Variants in CAMK2A observed in about 807,000 individuals in gnomAD.
CAMK2A encodes calcium/calmodulin dependent protein kinase II alpha.
In CAMK2A, 7 loss-of-function variants were observed where a neutral mutation model predicts 79.2. The ratio of observed to expected loss-of-function variants is 0.09; its 90% CI spans 0.05 to 0.17. CAMK2A has a LOEUF of 0.17. CAMK2A is among the 10% of genes least tolerant of loss of function. CAMK2A has a pLI of 1.00. For synonymous variants in CAMK2A, 242 were observed against 251.7 expected (o/e 0.96, Z 0.36); for missense variants, 214 against 646.4 (o/e 0.33, Z 7.25).
At chr5:150,240,001 C>T (rs1205343918) in intron 13 of CAMK2A, among the ~76,000 whole-genome samples, 5 of 152,156 alleles carry the variant, frequency 3.3e-5, no homozygotes, top group Admixed American at 3.3e-4. Context: ...AAGCTCATGG[C>T]CAAGCCTCCC....
rs544194634 is a variant in CAMK2A, at chr5:150,276,265, C to A, written c.63-3106G>T. 2.6e-5 allele frequency among the ~76,000 whole-genome samples: 4 copies of A among 152,318 alleles called. No individual in the cohort carries two copies. The South Asian group carries it at 8.3e-4, about 32-fold the overall frequency. On this transcript the variant is annotated intron_variant, in intron 1 of 18. Transcript: ENST00000671881. ...CTAACTTAGATTGGTGGCGGCTCCT[C>A]CACCTGCTTATTTCTCCCACCCTGA...
At chr5:150,234,871 G>A (rs78991159) in intron 15 of CAMK2A, among the ~76,000 whole-genome samples, 4,376 of 152,174 alleles carry the variant, frequency 0.029, 202 homozygotes, top group African/African-American at 0.1. Context: ...TCCAAAACCC[G>A]CTAGATACAG....
intron 2 of CAMK2A, among the ~76,000 whole-genome samples, chr5:150,271,397 A>G (rs1482187489): frequency 6.6e-6 from 1 of 152,214 alleles, no homozygotes; most frequent in African/African-American, 2.4e-5. Flanking sequence ...TCCCAGCAAC[A>G]CTGAGCCAGA....
chr5:150,221,338 T>C lies in CAMK2A; in HGVS notation c.*1372A>G, dbSNP rs1418647746. The C allele has an allele frequency of 2.5e-5, 10 of 397,726 alleles. No individual in the cohort carries two copies. Among genetic ancestry groups the C allele is most frequent in the African/African-American group, 2.1e-4 (10 of 48,466 alleles). The allele number at this position is 397,726 out of a possible 1,614,324, so 24.6% of individuals were successfully genotyped here. A position where few individuals can be genotyped will look rare whatever the true frequency, so the allele number is the denominator to read the frequency against. ...AGAATGCGAACCCGAGGCTGCAGGA[T>C]GAGGCATGAAGAGTAGAAATTCCCA... is the stretch of plus-strand genomic sequence containing the variant. On this transcript the variant is annotated 3_prime_UTR_variant, in exon 19 of 19. Coordinates refer to ENST00000671881, the MANE Select transcript of CAMK2A (RefSeq NM_015981.4).
At position 150,222,195 on chromosome 5, in the gene CAMK2A, G is replaced by A. The variant is rs1443119986; in HGVS notation, c.*515C>T. On this transcript the variant is annotated 3_prime_UTR_variant, in exon 19 of 19. Transcript: ENST00000671881. ...CTTAGGGGAGCACTTTGAGGCAGGA[G>A]GCTCCTGGCGTATGCTCTTCTCCCC... is the stretch of plus-strand genomic sequence containing the variant. The A allele has an allele frequency of 7.6e-6, 3 of 394,052 alleles. No homozygotes were observed. The highest frequency in any genetic ancestry group is 4.0e-5 in the African/African-American group (2 of 49,578). The allele number at this position is 394,052 out of a possible 1,614,324, so 24.4% of individuals were successfully genotyped here.
chr5:150,252,646 G>T (rs901555862), intron 7 of CAMK2A, among the ~76,000 whole-genome samples: 20 of 152,202 alleles, frequency 1.3e-4, no homozygotes, highest in African/African-American at 4.6e-4. Context: ...GAGCCGGTCA[G>T]TTCAAATAAT....
intron 11 of CAMK2A, among the ~76,000 whole-genome samples, chr5:150,248,392 T>C (rs1307123985): frequency 1.3e-5 from 2 of 151,458 alleles, no homozygotes; most frequent in Non-Finnish European, 2.9e-5. Context: ...ACGTGCAGGT[T>C]TGTTACATAT....
chr5:150,238,819 G>A, intron 14 of CAMK2A, 71 bp from the exon 15 acceptor site: 2 of 1,326,254 alleles, frequency 1.5e-6, no homozygotes. Context: ...GGCCCTGGCT[G>A]CCTGGTGACG....
intron 14 of CAMK2A, among the ~76,000 whole-genome samples, chr5:150,238,967 C>T (rs1004554447): frequency 6.6e-6 from 1 of 152,156 alleles, no homozygotes; most frequent in Non-Finnish European, 1.5e-5. Flanking sequence ...GGGATGGCTG[C>T]AAAGAGAACC....
chr5:150,250,158 T>C (rs1248860064), intron 11 of CAMK2A, 68 bp downstream of exon 11: 2 of 1,140,354 alleles, frequency 1.8e-6, no homozygotes, highest in East Asian at 4.7e-5. Context: ...GCGAGTCTCC[T>C]GGCCTCTGTG....
At chr5:150,279,282 A>G (rs149632597) in intron 1 of CAMK2A, among the ~76,000 whole-genome samples, 231 of 152,322 alleles carry the variant, frequency 1.5e-3, no homozygotes, top group African/African-American at 5.4e-3. Flanking sequence ...AATGACTGCC[A>G]CATTGGAGAG....
chr5:150,239,306 G>C (rs202219350), intron 14 of CAMK2A, among the ~76,000 whole-genome samples: 4 of 152,124 alleles, frequency 2.6e-5, no homozygotes, highest in Non-Finnish European at 4.4e-5. Flanking sequence ...GCTCAAGAGG[G>C]GCCTCTGTGG....
rs560141265 is a variant in CAMK2A, at chr5:150,271,798, G to A, written c.157+1267C>T. ...CAAACACAGAGTAATGGCAAGAAGC[G>A]CATCTCCTGGGCAGGCTTTCCAAAT... On this transcript the variant is annotated intron_variant, in intron 2 of 18. Transcript: ENST00000671881. 9.2e-5 allele frequency among the ~76,000 whole-genome samples: 14 copies of A among 152,292 alleles called. 1 individual carries two copies. Among genetic ancestry groups the A allele is most frequent in the Admixed American group, 4.6e-4 (7 of 15,298 alleles).
At chr5:150,251,715 G>C (rs1258179470) in intron 9 of CAMK2A, 35 bp downstream of exon 9, 2 of 1,486,740 alleles carry the variant, frequency 1.3e-6, no homozygotes, top group African/African-American at 1.4e-5. Context: ...GGGCACCAGA[G>C]GATGATGGGA....
At chr5:150,270,460 C>T (rs985198360) in intron 2 of CAMK2A, among the ~76,000 whole-genome samples, 1 of 152,098 alleles carries the variant, frequency 6.6e-6, no homozygotes, top group African/African-American at 2.4e-5. Context: ...AGAGGCTGGG[C>T]AGGGTGGGCA....
intron 12 of CAMK2A, 157 bp from the exon 13 acceptor site, chr5:150,245,358 C>T: frequency 1.7e-6 from 1 of 576,774 alleles, no homozygotes; most frequent in Non-Finnish European, 2.9e-6. Flanking sequence ...CCTCCTCCTC[C>T]TCCTCCTCCT....
At chr5:150,227,076 A>G (rs1754637470) in intron 17 of CAMK2A, among the ~76,000 whole-genome samples, 1 of 152,082 alleles carries the variant, frequency 6.6e-6, no homozygotes, top group Admixed American at 6.5e-5. Context: ...CCGGCTATAG[A>G]TTTATTTTAA....
intron 9 of CAMK2A, among the ~76,000 whole-genome samples, chr5:150,251,251 CTTGGTAGTTAGAAGCA>C (rs1231199109): frequency 6.6e-5 from 10 of 152,184 alleles, no homozygotes; most frequent in Admixed American, 2.6e-4. Context: ...AGCAATATAG[CTTGGTAGTTAGAAGCA>C]TGGATGGTAG....
chr5:150,252,439 G>C (rs1755877480), intron 7 of CAMK2A, among the ~76,000 whole-genome samples: 1 of 152,174 alleles, frequency 6.6e-6, no homozygotes, highest in African/African-American at 2.4e-5. Context: ...AAGATGAAAT[G>C]CACCTGCCAT....
Sources: gnomAD v4.1 joint callset for allele counts (sites outside exome capture counted in the v4.1 genomes callset) on GRCh38, gnomAD v4.1.1 for gene constraint, MANE v1.5 for transcripts, NCBI Gene and HGNC (gene_info 2026-07-23, HGNC 2026-07-21) for gene names.